The following TRDN variants were observed in gnomAD, a reference collection of about 807,000 sequenced individuals.
TRDN encodes triadin.
TRDN carries 161 observed loss-of-function variants against 149.7 expected under a neutral mutation model. The ratio of observed to expected loss-of-function variants is 1.08; its 90% confidence interval spans 0.95 to 1.23. The LOEUF (loss-of-function observed/expected upper bound fraction) is 1.23. Among genes scored for constraint, TRDN ranks in the 50% most tolerant of loss-of-function variants. TRDN has a pLI of 0.00. For missense variants in TRDN, 896 were observed against 823.5 expected, an observed-to-expected ratio of 1.09 and a Z score of -1.08; for synonymous variants, 294 against 250.5, an observed-to-expected ratio of 1.17 and a Z score of -1.64.
chr6:123,463,975 C>T (rs988097730), intron 10 of TRDN, among the ~76,000 whole-genome samples: 2 of 152,132 alleles, frequency 1.3e-5, no homozygotes, highest in Non-Finnish European at 2.9e-5. Context: ...ACATTGCACA[C>T]AGAAGATCTT....
rs1333445559 is a variant in TRDN, at chr6:123,450,816, CG to C, written c.932-11814del. 4.6e-5 allele frequency among the ~76,000 whole-genome samples: 7 copies of C among 151,968 alleles called. No homozygotes were observed. In the East Asian group the frequency reaches 1.4e-3, roughly 29 times the overall value. ...AATACACATTCTATTCAATAGTGCA[CG>C]GAACTTTCTCCAAGATAGATCATAT... On this transcript the variant is annotated intron_variant, in intron 10 of 40. Transcript: ENST00000334268.
At chr6:123,323,060 C>T (rs903390861) in intron 23 of TRDN, among the ~76,000 whole-genome samples, 14 of 151,936 alleles carry the variant, frequency 9.2e-5, no homozygotes, top group African/African-American at 1.7e-4. Flanking sequence ...AAAATTGTTA[C>T]GGATATATAA....
At chr6:123,352,438 T>C in intron 21 of TRDN, 101 bp downstream of exon 21, 1 of 1,526,280 alleles carries the variant, frequency 6.6e-7, no homozygotes, top group Non-Finnish European at 8.8e-7. Flanking sequence ...AGTAATAGAC[T>C]TAAAGGTTAT....
At chr6:123,539,879 G>A (rs931386146) in intron 4 of TRDN, among the ~76,000 whole-genome samples, 1 of 152,266 alleles carries the variant, frequency 6.6e-6, no homozygotes, top group Admixed American at 6.5e-5. Flanking sequence ...GGTTGCAATG[G>A]CTCTCACTCT....
intron 38 of TRDN, among the ~76,000 whole-genome samples, chr6:123,249,110 C>A (rs910966197): frequency 5.3e-5 from 8 of 152,078 alleles, no homozygotes; most frequent in Admixed American, 3.9e-4. Flanking sequence ...GATTGAAGGA[C>A]AACCCATTTG....
At chr6:123,372,697 A>G (rs527957468) in intron 19 of TRDN, among the ~76,000 whole-genome samples, 1 of 152,276 alleles carries the variant, frequency 6.6e-6, no homozygotes, top group South Asian at 2.1e-4. Context: ...TTGGTAAACA[A>G]TGTCTACTAT....
intron 8 of TRDN, chr6:123,498,260 A>G: frequency 5.2e-6 from 1 of 193,656 alleles, no homozygotes; most frequent in East Asian, 1.2e-4. Context: ...TATGCATATC[A>G]AACATATGAA....
At chr6:123,560,450 T>G (rs1324524541) in intron 2 of TRDN, among the ~76,000 whole-genome samples, 1 of 152,164 alleles carries the variant, frequency 6.6e-6, no homozygotes, top group Non-Finnish European at 1.5e-5. Flanking sequence ...ATAAAAATGC[T>G]TCTCAAAGCC....
chr6:123,614,804 A>G (rs1265391713), intron 1 of TRDN, among the ~76,000 whole-genome samples: 2 of 152,114 alleles, frequency 1.3e-5, no homozygotes, highest in Non-Finnish European at 2.9e-5. Context: ...AAATGGGATT[A>G]TATCAAACTA....
chr6:123,544,241 GTACA>G (rs1273349437), intron 4 of TRDN, among the ~76,000 whole-genome samples: 26 of 130,210 alleles, frequency 2.0e-4, no homozygotes, highest in African/African-American at 6.9e-4. Context: ...ATGCACATCT[GTACA>G]TACACACACA....
At chr6:123,266,554 T>C (rs1194457688) in intron 32 of TRDN, among the ~76,000 whole-genome samples, 1 of 66,274 alleles carries the variant, frequency 1.5e-5, no homozygotes, top group Non-Finnish European at 2.4e-5. Context: ...ATATGTATTA[T>C]ATATAATATA....
At chr6:123,240,389 A>T (rs1241663185) in intron 38 of TRDN, among the ~76,000 whole-genome samples, 1 of 151,804 alleles carries the variant, frequency 6.6e-6, no homozygotes, top group Non-Finnish European at 1.5e-5. Context: ...CCAATAAATT[A>T]TTTTAGAAAT....
intron 19 of TRDN, among the ~76,000 whole-genome samples, chr6:123,370,723 A>G (rs1781291600): frequency 6.6e-6 from 1 of 152,274 alleles, no homozygotes; most frequent in Admixed American, 6.5e-5. Flanking sequence ...GAATAAGCCT[A>G]TTCCCTAATT....
intron 1 of TRDN, among the ~76,000 whole-genome samples, chr6:123,598,989 T>A (rs1017998861): frequency 9.2e-5 from 14 of 152,072 alleles, no homozygotes; most frequent in African/African-American, 3.4e-4. Context: ...AACTTTGTAC[T>A]AGCATCTGCA....
chr6:123,569,038 A>G (rs1038140035), intron 2 of TRDN, among the ~76,000 whole-genome samples: 1 of 152,062 alleles, frequency 6.6e-6, no homozygotes, highest in African/African-American at 2.4e-5. Flanking sequence ...ACTTTAAGTC[A>G]TTTTTTTGTT....
At chr6:123,316,614 C>A in intron 23 of TRDN, 119 bp from the exon 24 acceptor site, 2 of 727,258 alleles carry the variant, frequency 2.8e-6, no homozygotes, top group Non-Finnish European at 4.5e-6. Flanking sequence ...TGTCTGTTTT[C>A]AATTTCAATT....
At chr6:123,464,357 C>T in intron 10 of TRDN, 1 of 973,820 alleles carries the variant, frequency 1.0e-6, no homozygotes. Context: ...ATAAACTATA[C>T]ATATACATAA....
chr6:123,418,851 A>G (rs1773773883), intron 12 of TRDN, among the ~76,000 whole-genome samples: 1 of 152,090 alleles, frequency 6.6e-6, no homozygotes, highest in Non-Finnish European at 1.5e-5. Context: ...TGCTTTTTTT[A>G]TGAGCCTTGA....
chr6:123,562,621 A>T (rs552911417), intron 2 of TRDN, among the ~76,000 whole-genome samples: 52 of 152,312 alleles, frequency 3.4e-4, no homozygotes, highest in African/African-American at 1.2e-3. Flanking sequence ...GTATTTTGTT[A>T]TATCAGCCAA....
Sources: allele counts gnomAD v4.1 joint callset (sites outside exome capture counted in the v4.1 genomes callset), GRCh38; gene constraint gnomAD v4.1.1; transcripts MANE v1.5; gene names NCBI Gene and HGNC (gene_info 2026-07-23, HGNC 2026-07-21).